Variants in ELF2 observed in about 807,000 individuals in gnomAD.
The protein encoded by ELF2 is E74 like ETS transcription factor 2.
Under a neutral mutation model 54.8 loss-of-function variants are expected in ELF2, and 11 were observed. The ratio of observed to expected loss-of-function variants is 0.20; its 90% CI spans 0.13 to 0.33. The LOEUF (loss-of-function observed/expected upper bound fraction) is 0.33. ELF2 is among the 10% of genes least tolerant of loss of function. The pLI is 1.00. For missense variants in ELF2, 513 were observed against 703.0 expected, an observed-to-expected ratio of 0.73 and a Z score of 3.06; for synonymous variants, 203 against 245.1, an observed-to-expected ratio of 0.83 and a Z score of 1.61.
chr4:139,090,719 C>A (rs1300829334), intron 4 of ELF2, among the ~76,000 whole-genome samples: 1 of 151,988 alleles, frequency 6.6e-6, no homozygotes, highest in African/African-American at 2.4e-5. Flanking sequence ...CTCTGCCACC[C>A]GAGTAGCTGG....
chr4:139,061,362 A>C (rs933082938), intron 8 of ELF2, among the ~76,000 whole-genome samples: 5 of 151,970 alleles, frequency 3.3e-5, no homozygotes, highest in African/African-American at 9.7e-5. Context: ...TTTAGTAGAG[A>C]CAGGATTTCC....
Position 139,060,530 on chromosome 4 carries a change from T to G in ELF2, c.951A>C (p.Glu317Asp). 5 of 1,614,238 alleles carry G rather than the reference T, an allele frequency of 3.1e-6. No individual in the cohort carries two copies. Among genetic ancestry groups the G allele is most frequent in the Non-Finnish European group, 4.2e-6 (5 of 1,180,040 alleles). ...ACAGTGACACTCGTTCTAATGATTT[T>G]TCATCAGTAGTTCCTGCTAAATCTT... ...CNEDLAGTTDEKSLERVSLSA... is the reference protein window; with the variant it reads ...CNEDLAGTTDDKSLERVSLSA... The change falls in exon 9 of 10, where the codon GAA becomes GAC. Residue 317 changes from glutamate (E) to aspartate (D), a missense_variant. Transcript: ENST00000686138.
chr4:139,163,814 T>C (rs1290356899), intron 1 of ELF2, among the ~76,000 whole-genome samples: 1 of 151,694 alleles, frequency 6.6e-6, no homozygotes, highest in African/African-American at 2.4e-5. Flanking sequence ...CTCAGGAGGC[T>C]GAGATGGGAG....
chr4:139,098,734 C>T (rs1347763253), intron 4 of ELF2, among the ~76,000 whole-genome samples: 2 of 152,196 alleles, frequency 1.3e-5, no homozygotes, highest in South Asian at 2.1e-4. Context: ...TCCCAAAGTG[C>T]TGGGATTACA....
chr4:139,092,274 T>A (rs1044095863), intron 4 of ELF2, among the ~76,000 whole-genome samples: 25 of 151,444 alleles, frequency 1.7e-4, no homozygotes, highest in South Asian at 2.1e-4. Context: ...GGCAGGAGAA[T>A]CTTTTGAACC....
chr4:139,080,612 TAAGAA>T (rs770946755), intron 4 of ELF2, among the ~76,000 whole-genome samples: 17 of 151,888 alleles, frequency 1.1e-4, no homozygotes, highest in African/African-American at 3.9e-4. Context: ...TAAAATAAAA[TAAGAA>T]AAGACAAATA....
intron 3 of ELF2, among the ~76,000 whole-genome samples, chr4:139,128,708 G>A (rs1271978438): frequency 6.6e-6 from 1 of 151,648 alleles, no homozygotes; most frequent in Non-Finnish European, 1.5e-5. Context: ...TTTTGGTAGA[G>A]ACAGGGTTTC....
chr4:139,152,533 G>A (rs1560873439), intron 1 of ELF2, among the ~76,000 whole-genome samples: 1 of 151,924 alleles, frequency 6.6e-6, no homozygotes, highest in Non-Finnish European at 1.5e-5. Flanking sequence ...GTCTCCCTAT[G>A]TTGCCCAGGT....
At chr4:139,092,472 A>ATAACATAACATAACAT (rs1553959712) in intron 4 of ELF2, among the ~76,000 whole-genome samples, 81 of 151,190 alleles carry the variant, frequency 5.4e-4, no homozygotes, top group Non-Finnish European at 6.6e-4. Flanking sequence ...ATAACATAAC[A>ATAACATAACATAACAT]TAGGGCCGGG....
At chr4:139,160,364 C>G (rs780652145) in intron 1 of ELF2, among the ~76,000 whole-genome samples, 10 of 152,154 alleles carry the variant, frequency 6.6e-5, no homozygotes, top group Non-Finnish European at 1.5e-4. Flanking sequence ...CTCCAGATCT[C>G]AGAGTCATGT....
chr4:139,074,857 A>G (rs1012786848), intron 4 of ELF2, among the ~76,000 whole-genome samples: 2 of 152,148 alleles, frequency 1.3e-5, no homozygotes, highest in Admixed American at 6.5e-5. Flanking sequence ...AGCATTTTGT[A>G]TAAGGGACTT....
At position 139,060,641 on chromosome 4, in the gene ELF2, A is replaced by G. The variant is rs370519144; in HGVS notation, c.840T>C (p.Val280=). The G allele has an allele frequency of 6.9e-6, 11 of 1,599,382 alleles. No homozygotes were observed. The Admixed American group carries it at 8.6e-5, about 12-fold the overall frequency. ...ACTGATATACAAGCCTCTGTCCTTC[A>G]ACCTTTGCAAGAATTCCCCTTTGGT... The part of the protein sequence containing the change: ...YYYQRGILAK[V]EGQRLVYQFK... The change falls in exon 9 of 10, where the codon GTT becomes GTC. Residue 280 remains valine (V), a synonymous_variant. Transcript: ENST00000686138.
intron 4 of ELF2, among the ~76,000 whole-genome samples, chr4:139,110,436 T>C (rs1734845841): frequency 6.6e-6 from 1 of 152,156 alleles, no homozygotes; most frequent in Non-Finnish European, 1.5e-5. Flanking sequence ...AAAAAACTAA[T>C]CTTTGTTTCA....
chr4:139,099,213 T>C (rs1024369768), intron 4 of ELF2, among the ~76,000 whole-genome samples: 3 of 152,232 alleles, frequency 2.0e-5, no homozygotes, highest in Non-Finnish European at 4.4e-5. Context: ...CCTGTCTATA[T>C]AGCCTAAACT....
intron 3 of ELF2, among the ~76,000 whole-genome samples, chr4:139,127,420 C>T (rs1737032163): frequency 6.6e-6 from 1 of 152,190 alleles, no homozygotes; most frequent in Non-Finnish European, 1.5e-5. Flanking sequence ...GTGAACCTGA[C>T]TATTCAGCTA....
intron 4 of ELF2, among the ~76,000 whole-genome samples, chr4:139,115,548 G>C (rs1176522695): frequency 6.6e-6 from 1 of 151,684 alleles, no homozygotes; most frequent in African/African-American, 2.4e-5. Context: ...CCCTGACATG[G>C]ATTTCTATAC....
At chr4:139,078,978 G>T (rs1350749903) in intron 4 of ELF2, among the ~76,000 whole-genome samples, 1 of 152,118 alleles carries the variant, frequency 6.6e-6, no homozygotes, top group Non-Finnish European at 1.5e-5. Flanking sequence ...GCTCAGGTTG[G>T]AATGCAGTGG....
Position 139,149,305 on chromosome 4 carries a change from A to T in ELF2, c.-251-9808T>A, listed in dbSNP as rs114561805. On this transcript the variant is annotated intron_variant, in intron 1 of 9. Transcript: ENST00000686138. The stretch of plus-strand genomic sequence containing the variant: ...TTTCTATAGGCCAGCAACAGAGTAT[A>T]ATTTTTTAAAAGAATATCATTTATC... Among the ~76,000 whole-genome samples the T allele has an allele frequency of 6.4e-3, 968 of 152,338 alleles. 15 individuals carry two copies. Among genetic ancestry groups the T allele is most frequent in the African/African-American group, 0.023 (936 of 41,568 alleles).
At chr4:139,162,416 A>AG (rs1264193222) in intron 1 of ELF2, among the ~76,000 whole-genome samples, 1 of 151,886 alleles carries the variant, frequency 6.6e-6, no homozygotes, top group East Asian at 1.9e-4. Flanking sequence ...CTGTAATCCC[A>AG]GCTACTCCGG....
Sources: gnomAD v4.1 joint callset for allele counts (sites outside exome capture counted in the v4.1 genomes callset) on GRCh38, gnomAD v4.1.1 for gene constraint, MANE v1.5 for transcripts, NCBI Gene and HGNC (gene_info 2026-07-23, HGNC 2026-07-21) for gene names.